TTC28: variants seen among roughly 807,000 people sequenced by gnomAD.
TTC28 encodes tetratricopeptide repeat domain 28.
A neutral mutation model predicts 198.0 loss-of-function variants in TTC28; 61 were observed. The observed-to-expected ratio is 0.31, with a 90% CI of 0.25 to 0.38. TTC28 has a LOEUF of 0.38. TTC28 is among the 10% of genes least tolerant of loss of function. The pLI is 1.00. For missense variants in TTC28, 2,678 were observed against 3,164.0 expected, an observed-to-expected ratio of 0.85 and a Z score of 3.69; for synonymous variants, 1,171 against 1,297.8, an observed-to-expected ratio of 0.90 and a Z score of 2.10.
chr22:28,151,371 G>T (rs1011214974), intron 6 of TTC28, among the ~76,000 whole-genome samples: 1 of 152,222 alleles, frequency 6.6e-6, no homozygotes, highest in Admixed American at 6.5e-5. Context: ...GGACCTGGCA[G>T]CGAGCAGCTA....
intron 12 of TTC28, among the ~76,000 whole-genome samples, chr22:28,061,773 A>G (rs1179097418): frequency 2.6e-5 from 4 of 152,206 alleles, no homozygotes; most frequent in Admixed American, 6.5e-5. Flanking sequence ...TGGTAGCTTG[A>G]TGGGGATAGC....
chr22:27,983,433 G>A lies in TTC28; in HGVS notation c.6234C>T (p.Phe2078=). 6.5e-7 allele frequency: 1 copy of A among 1,549,388 alleles called. No individual in the cohort carries two copies. The highest frequency in any genetic ancestry group is 8.7e-7 in the Non-Finnish European group (1 of 1,146,520). The part of the protein sequence containing the change: ...ATYQENRNTC[F]SPDHKQPQPG... ...GTTGGGGTTGTTTGTGGTCTGGTGA[G>A]AAGCATGTGTTTCGGTTTTCTTGGT... is the stretch of plus-strand genomic sequence containing the variant. The change falls in exon 23 of 23, where the codon TTC becomes TTT. Residue 2078 remains phenylalanine (F), a synonymous_variant. Coordinates refer to ENST00000397906, the MANE Select transcript of TTC28 (RefSeq NM_001145418.2).
intron 2 of TTC28, among the ~76,000 whole-genome samples, chr22:28,574,213 T>G (rs1342185866): frequency 2.6e-5 from 4 of 152,154 alleles, no homozygotes; most frequent in African/African-American, 9.7e-5. Context: ...GATTTCACTA[T>G]GTTGCCCAGG....
At chr22:28,028,144 G>T (rs563862214) in intron 13 of TTC28, among the ~76,000 whole-genome samples, 1 of 152,330 alleles carries the variant, frequency 6.6e-6, no homozygotes, top group African/African-American at 2.4e-5. Flanking sequence ...GGTCGGGGTT[G>T]GAAGAGTCTG....
At chr22:28,052,997 C>T (rs1292472610) in intron 12 of TTC28, among the ~76,000 whole-genome samples, 1 of 152,240 alleles carries the variant, frequency 6.6e-6, no homozygotes, top group Non-Finnish European at 1.5e-5. Context: ...AGGGAGAGCA[C>T]TCATGTGGAT....
At chr22:28,199,548 T>TATATATATATATACAC (rs60177369) in intron 5 of TTC28, among the ~76,000 whole-genome samples, 4 of 147,434 alleles carry the variant, frequency 2.7e-5, no homozygotes, top group African/African-American at 1.0e-4. Context: ...TATATATATA[T>TATATATATATATACAC]ACACACAAAC....
At chr22:28,629,038 G>C (rs1285648058) in intron 2 of TTC28, among the ~76,000 whole-genome samples, 1 of 152,020 alleles carries the variant, frequency 6.6e-6, no homozygotes, top group Non-Finnish European at 1.5e-5. Flanking sequence ...TGAAAATAAA[G>C]TATATATAAT....
At chr22:28,206,097 C>A (rs913290983) in intron 5 of TTC28, among the ~76,000 whole-genome samples, 1 of 152,016 alleles carries the variant, frequency 6.6e-6, no homozygotes, top group African/African-American at 2.4e-5. Context: ...CCCCAGGAAG[C>A]CAGCTTGCAA....
At chr22:28,186,769 G>A (rs1460313592) in intron 5 of TTC28, among the ~76,000 whole-genome samples, 3 of 152,154 alleles carry the variant, frequency 2.0e-5, no homozygotes, top group Non-Finnish European at 4.4e-5. Context: ...GGTGAAAGGA[G>A]AGGTGATGAC....
chr22:28,345,993 T>G (rs1360473545), intron 2 of TTC28, among the ~76,000 whole-genome samples: 2 of 152,144 alleles, frequency 1.3e-5, no homozygotes, highest in African/African-American at 4.8e-5. Context: ...TAGAAGTTGG[T>G]GGAGATGGTG....
At chr22:28,526,948 G>C (rs1465644618) in intron 2 of TTC28, among the ~76,000 whole-genome samples, 1 of 151,924 alleles carries the variant, frequency 6.6e-6, no homozygotes, top group Non-Finnish European at 1.5e-5. Flanking sequence ...AGTAGAGATA[G>C]GGTTTCACCA....
chr22:28,266,112 G>A (rs540593952), intron 5 of TTC28, among the ~76,000 whole-genome samples: 2 of 151,642 alleles, frequency 1.3e-5, no homozygotes, highest in Admixed American at 6.6e-5. Flanking sequence ...CCTGGGAGGC[G>A]GAGGTTGCAG....
chr22:28,137,108 A>G lies in TTC28; in HGVS notation c.1441+25984T>C, dbSNP rs531903653. Among the ~76,000 whole-genome samples, 5 of 152,290 alleles carry G rather than the reference A, an allele frequency of 3.3e-5. No homozygotes were observed. The South Asian group carries it at 1.0e-3, about 32-fold the overall frequency. Reference sequence around the variant, plus strand: ...TCAAACTGACTGGCCACTAGCATCTAAATGCTAGCTGCATTTGCTGGAGTC... The same window carrying G: ...TCAAACTGACTGGCCACTAGCATCTGAATGCTAGCTGCATTTGCTGGAGTC... On this transcript the variant is annotated intron_variant, in intron 6 of 22. Coordinates refer to ENST00000397906, the MANE Select transcript of TTC28 (RefSeq NM_001145418.2).
rs535698225 is a variant in TTC28, at chr22:28,106,351, AGT to A, written c.2784-551_2784-550del. 3.3e-5 allele frequency among the ~76,000 whole-genome samples: 5 copies of A among 152,272 alleles called. No homozygotes were observed. In the South Asian group the frequency reaches 1.0e-3, roughly 32 times the overall value. ...AGGAGAAAGTATCACCTTGACCAAC[AGT>A]GTGTCTTTTTCTGCTGCTAAGAGAA... On this transcript the variant is annotated intron_variant, in intron 7 of 22. Coordinates refer to ENST00000397906, the MANE Select transcript of TTC28 (RefSeq NM_001145418.2).
At chr22:28,039,470 T>A (rs1193407053) in intron 12 of TTC28, among the ~76,000 whole-genome samples, 1 of 131,636 alleles carries the variant, frequency 7.6e-6, no homozygotes, top group South Asian at 2.2e-4. Context: ...AATTGAACAA[T>A]GAGAACACTT....
At chr22:28,464,384 G>A (rs1218502087) in intron 2 of TTC28, among the ~76,000 whole-genome samples, 5 of 152,210 alleles carry the variant, frequency 3.3e-5, no homozygotes. Flanking sequence ...CATGGTTGAA[G>A]GAAGTGTTTG....
At chr22:28,613,122 A>G (rs2050847443) in intron 2 of TTC28, among the ~76,000 whole-genome samples, 3 of 152,308 alleles carry the variant, frequency 2.0e-5, no homozygotes, top group South Asian at 2.1e-4. Context: ...GAAGAATCAA[A>G]AAAACACAAT....
rs115663278 is a variant in TTC28, at chr22:28,044,006, G to A, written c.3933-13640C>T. Among the ~76,000 whole-genome samples, 560 of 152,290 alleles carry A rather than the reference G, an allele frequency of 3.7e-3. 3 individuals are homozygous for A. Among genetic ancestry groups the A allele is most frequent in the African/African-American group, 0.012 (518 of 41,566 alleles). ...GAGAAAATGTGGTACCGCCAGCACCGTCTCTGAAGTCAGATCCACTGGTTC... is the reference window on the plus strand; with the variant it reads ...GAGAAAATGTGGTACCGCCAGCACCATCTCTGAAGTCAGATCCACTGGTTC... On this transcript the variant is annotated intron_variant, in intron 12 of 22. Transcript: ENST00000397906.
intron 2 of TTC28, among the ~76,000 whole-genome samples, chr22:28,388,848 A>G (rs1252652125): frequency 1.4e-4 from 21 of 152,112 alleles, no homozygotes; most frequent in South Asian, 6.2e-4. Context: ...TCTCCTGCCT[A>G]ATTGCCCTGG....
Sources: gnomAD v4.1 joint callset for allele counts (sites outside exome capture counted in the v4.1 genomes callset) on GRCh38, gnomAD v4.1.1 for gene constraint, MANE v1.5 for transcripts, NCBI Gene and HGNC (gene_info 2026-07-23, HGNC 2026-07-21) for gene names.